The following ZNF81 variants were observed in gnomAD, a reference collection of about 807,000 sequenced individuals.
ZNF81 encodes zinc finger protein 81 (HFZ20).
In ZNF81, 5 loss-of-function variants were observed where a neutral mutation model predicts 32.3. That is an observed-to-expected ratio of 0.15 (90% CI 0.08 to 0.33). The LOEUF is 0.33. ZNF81 is among the 10% of genes least tolerant of loss of function. ZNF81 has a pLI of 1.00. For missense variants in ZNF81, 379 were observed against 479.8 expected (o/e 0.79, Z 1.96); for synonymous variants, 163 against 166.8 (o/e 0.98, Z 0.17).
chrX:47,910,093 G>T (rs1246248909), intron 4 of ZNF81, among the ~76,000 whole-genome samples: 2 of 111,756 alleles, frequency 1.8e-5, no homozygotes, highest in African/African-American at 6.5e-5. Context: ...CTTTATAGCA[G>T]CATGATTTAT....
intron 4 of ZNF81, among the ~76,000 whole-genome samples, chrX:47,910,888 T>C (rs570597264): frequency 1.8e-5 from 2 of 111,645 alleles, no homozygotes; most frequent in African/African-American, 6.5e-5. Flanking sequence ...TTCTTACTAC[T>C]GCAATTCCTA....
At chrX:47,881,233 C>T (rs2148025043) in intron 2 of ZNF81, among the ~76,000 whole-genome samples, 1 of 112,007 alleles carries the variant, frequency 8.9e-6, no homozygotes, top group Admixed American at 9.4e-5. Context: ...ATTACCAGGC[C>T]TTCAGCTGAT....
chrX:47,875,145 A>G (rs1044703001), intron 2 of ZNF81, among the ~76,000 whole-genome samples: 6 of 112,025 alleles, frequency 5.4e-5, no homozygotes, highest in African/African-American at 1.9e-4. Flanking sequence ...GAATGGGGAC[A>G]GCAGAGCAAG....
At chrX:47,872,783 T>G (rs782480195) in intron 2 of ZNF81, among the ~76,000 whole-genome samples, 5 of 112,103 alleles carry the variant, frequency 4.5e-5, no homozygotes, top group Non-Finnish European at 7.5e-5. Context: ...ATTCCTGGTT[T>G]TTCTAATTAT....
chrX:47,912,890 G>T (rs2058743814), intron 4 of ZNF81, among the ~76,000 whole-genome samples: 1 of 111,109 alleles, frequency 9.0e-6, no homozygotes, highest in African/African-American at 3.3e-5. Context: ...TCTATGACTG[G>T]GCATCCATAT....
At chrX:47,890,904 C>T (rs2058660075) in intron 3 of ZNF81, among the ~76,000 whole-genome samples, 1 of 111,603 alleles carries the variant, frequency 9.0e-6, no homozygotes, top group South Asian at 3.7e-4. Flanking sequence ...GGTGTAAGGC[C>T]CTTAAATTTT....
At position 47,848,460 on chromosome X, in the gene ZNF81, T is replaced by C. The variant is rs1448117405; in HGVS notation, c.54+2139T>C. ...GTGTCTCTCATTAATGCTGTTATAT[T>C]TTTTCTTTTAAGTAGCTCTTTTTGT... is the stretch of plus-strand genomic sequence containing the variant. On this transcript the variant is annotated intron_variant, in intron 2 of 4. Transcript: ENST00000338637. 2.7e-5 allele frequency among the ~76,000 whole-genome samples: 3 copies of C among 112,106 alleles called. No homozygotes were observed. The Admixed American group carries it at 2.9e-4, about 11-fold the overall frequency.
intron 4 of ZNF81, among the ~76,000 whole-genome samples, chrX:47,914,529 C>T (rs585336): frequency 0.053 from 5,988 of 111,940 alleles, 410 homozygotes; most frequent in African/African-American, 0.18. Flanking sequence ...GTATTCAGTA[C>T]AGTCACATGC....
intron 2 of ZNF81, among the ~76,000 whole-genome samples, chrX:47,871,579 A>G (rs1291724337): frequency 6.3e-5 from 7 of 111,961 alleles, no homozygotes; most frequent in Admixed American, 2.9e-4. Context: ...TTGTACACTC[A>G]TGATCATCTA....
intron 4 of ZNF81, among the ~76,000 whole-genome samples, chrX:47,908,878 A>G (rs1371711115): frequency 8.9e-6 from 1 of 111,896 alleles, no homozygotes; most frequent in African/African-American, 3.2e-5. Flanking sequence ...TTGGCAATCT[A>G]TGGTCAGAAT....
chrX:47,860,906 C>T (rs1368216797), intron 2 of ZNF81: 2 of 111,485 alleles, frequency 1.8e-5, no homozygotes, highest in African/African-American at 6.5e-5. Context: ...GGTCTTTGAC[C>T]CTTGTTCTTG....
In ZNF81 at chrX:47,917,105, A is replaced by G. The variant is rs1009412514; in HGVS notation, c.*473A>G. ...CCATAGGGTGTTTGTGGCAGAACAC[A>G]GTGCAGAACAGGAGGAATATTACAT... On this transcript the variant is annotated 3_prime_UTR_variant, in exon 5 of 5. Coordinates refer to ENST00000338637, the MANE Select transcript of ZNF81 (RefSeq NM_007137.5). 26 of 283,145 alleles carry G rather than the reference A, an allele frequency of 9.2e-5. No homozygotes were observed. The highest frequency in any genetic ancestry group is 1.3e-4 in the Admixed American group (2 of 15,859). 23.3% of individuals were successfully genotyped at this position (283,145 alleles called of 1,213,427 possible). A position where few individuals can be genotyped will look rare whatever the true frequency, so the allele number is the denominator to read the frequency against.
At chrX:47,911,863 CT>C (rs1256090464) in intron 4 of ZNF81, among the ~76,000 whole-genome samples, 1 of 110,728 alleles carries the variant, frequency 9.0e-6, no homozygotes, top group Non-Finnish European at 1.9e-5. Context: ...GCACACATAC[CT>C]TTTTTAATGG....
At chrX:47,913,761 C>A (rs1313388174) in intron 4 of ZNF81, among the ~76,000 whole-genome samples, 1 of 111,523 alleles carries the variant, frequency 9.0e-6, no homozygotes, top group Non-Finnish European at 1.9e-5. Context: ...GTAAGACATG[C>A]ACCTTTAGTC....
chrX:47,864,098 C>T (rs1364595003), intron 2 of ZNF81, among the ~76,000 whole-genome samples: 1 of 111,772 alleles, frequency 8.9e-6, no homozygotes, highest in Non-Finnish European at 1.9e-5. Flanking sequence ...AAAATGATCC[C>T]TTTCTGGGGT....
intron 4 of ZNF81, among the ~76,000 whole-genome samples, chrX:47,903,018 G>A (rs1408294706): frequency 2.7e-5 from 3 of 111,777 alleles, no homozygotes; most frequent in African/African-American, 9.8e-5. Context: ...AACCCTTAAG[G>A]CTAAGAACTC....
rs782719289 is a variant in ZNF81 at position 47,916,588 on chromosome X, A to G, written c.1942A>G (p.Thr648Ala). 4 of 1,201,910 alleles carry G rather than the reference A, an allele frequency of 3.3e-6. No homozygotes were observed. Among genetic ancestry groups the G allele is most frequent in the Admixed American group, 4.5e-5 (2 of 44,232 alleles). ...YKCSDCGKGF[T>A]QKSVLSMHRN... is the part of the protein sequence containing the mutation. ...ATGCAGCGACTGTGGAAAGGGGTTC[A>G]CCCAGAAATCAGTTCTCAGTATGCA... Residue 648 changes from threonine to alanine, a missense_variant, in exon 5 of 5, where the codon ACC (threonine) becomes GCC (alanine). Physicochemically the swap from Thr to Ala is moderately conservative, Grantham distance 58. Around this residue, in one of 2 missense-constraint regions of ZNF81, gnomAD observed 102 missense variants for 173.2 expected, o/e 0.59. Coordinates refer to ENST00000338637, the MANE Select transcript of ZNF81 (RefSeq NM_007137.5).
Position 47,888,264 on chromosome X carries a change from A to G in ZNF81, c.181+139A>G, listed in dbSNP as rs2058650118. 1.1e-5 allele frequency: 10 copies of G among 887,588 alleles called. No individual in the cohort carries two copies. In the East Asian group the frequency reaches 3.4e-4, roughly 30 times the overall value. 73.1% of individuals were successfully genotyped at this position (887,588 alleles called of 1,213,427 possible). On this transcript the variant is annotated intron_variant, in intron 3 of 4. Transcript: ENST00000338637. ...TGGAAATAGAGTCTTTACAGAAGTAATCAAGCTAAAATGAGATCATTAGGG... is the reference window on the plus strand; with the variant it reads ...TGGAAATAGAGTCTTTACAGAAGTAGTCAAGCTAAAATGAGATCATTAGGG...
At chrX:47,850,883 GCACGCGCGCACACACACACA>G (rs199729365) in intron 2 of ZNF81, among the ~76,000 whole-genome samples, 1 of 30,752 alleles carries the variant, frequency 3.3e-5, no homozygotes, top group African/African-American at 7.8e-5. Flanking sequence ...TCATTCACAG[GCACGCGCGCACACACACACA>G]CACACACACA....
Sources: gnomAD v4.1 joint callset for allele counts (sites outside exome capture counted in the v4.1 genomes callset) on GRCh38, gnomAD v4.1.1 for gene constraint, gnomAD v4.1.1 regional missense constraint, MANE v1.5 for transcripts, NCBI Gene and HGNC (gene_info 2026-07-23, HGNC 2026-07-21) for gene names.